Variants in GALNTL5 observed in about 807,000 individuals in gnomAD.
GALNTL5 encodes the protein inactive polypeptide N-acetylgalactosaminyltransferase-like protein 5.
A neutral mutation model predicts 51.0 loss-of-function variants in GALNTL5; 44 were observed. The observed-to-expected ratio is 0.86, with a 90% CI of 0.68 to 1.11. The LOEUF (loss-of-function observed/expected upper bound fraction) is 1.11. GALNTL5 is among the 50% of genes least tolerant of loss of function. The probability of loss-of-function intolerance (pLI) is 0.00; values close to 1 mark genes in which losing one functional copy is unlikely to be tolerated. For synonymous variants in GALNTL5, 192 were observed against 182.8 expected (o/e 1.05, Z -0.41); for missense variants, 528 against 531.8 (o/e 0.99, Z 0.07).
intron 3 of GALNTL5, among the ~76,000 whole-genome samples, chr7:151,972,553 G>T (rs1009055342): frequency 4.6e-5 from 7 of 152,198 alleles, no homozygotes; most frequent in African/African-American, 1.7e-4. Context: ...AAGGAAAAAT[G>T]ATTTTGTTGG....
At chr7:151,971,143 A>ATAGATAGATAGATAG in intron 3 of GALNTL5, 78 bp downstream of exon 3, 1 of 1,196,514 alleles carries the variant, frequency 8.4e-7, no homozygotes, top group Non-Finnish European at 1.2e-6. Flanking sequence ...AGATAGAAAG[A>ATAGATAGATAGATAG]AAACAGTTAC....
At chr7:152,019,538 T>G in intron 8 of GALNTL5, 108 bp from the exon 9 acceptor site, 2 of 1,152,888 alleles carry the variant, frequency 1.7e-6, no homozygotes, top group Non-Finnish European at 2.5e-6. Context: ...CTGGAGGGCT[T>G]TTTTAGTTCA....
At chr7:152,011,164 G>A (rs1163123498) in intron 7 of GALNTL5, among the ~76,000 whole-genome samples, 3 of 152,132 alleles carry the variant, frequency 2.0e-5, no homozygotes, top group African/African-American at 7.2e-5. Context: ...TTCAGGTCTT[G>A]AGACCCCACC....
chr7:152,014,879 T>A, intron 8 of GALNTL5, 86 bp downstream of exon 8: 1 of 1,301,968 alleles, frequency 7.7e-7, no homozygotes, highest in South Asian at 1.5e-5. Context: ...CCTTTCCAGA[T>A]CCAGCGTTTG....
chr7:151,994,373 G>A (rs2081467082), intron 5 of GALNTL5, among the ~76,000 whole-genome samples: 1 of 152,182 alleles, frequency 6.6e-6, no homozygotes, highest in East Asian at 1.9e-4. Context: ...GGGTTTTCAC[G>A]TGATGTTCAT....
chr7:151,969,931 C>G (rs1359590080), intron 2 of GALNTL5, among the ~76,000 whole-genome samples: 1 of 151,912 alleles, frequency 6.6e-6, no homozygotes, highest in African/African-American at 2.4e-5. Context: ...CTCAGCCTCC[C>G]GAGTAGCTGG....
At chr7:151,995,923 C>T (rs1383228027) in intron 5 of GALNTL5, among the ~76,000 whole-genome samples, 2 of 152,146 alleles carry the variant, frequency 1.3e-5, no homozygotes, top group East Asian at 1.9e-4. Flanking sequence ...CTCTAGGTCA[C>T]GTTACTCCAG....
intron 5 of GALNTL5, among the ~76,000 whole-genome samples, chr7:151,993,773 C>G (rs1164570734): frequency 6.6e-6 from 1 of 151,874 alleles, no homozygotes; most frequent in African/African-American, 2.4e-5. Flanking sequence ...CAGGAGTCAC[C>G]ACACCTGGCC....
intron 6 of GALNTL5, among the ~76,000 whole-genome samples, chr7:152,004,851 C>A (rs1383634337): frequency 6.6e-6 from 1 of 152,138 alleles, no homozygotes; most frequent in Non-Finnish European, 1.5e-5. Flanking sequence ...TCCAGTCTTC[C>A]ACTGAGGGAC....
At chr7:152,015,088 C>A (rs2081789885) in intron 8 of GALNTL5, among the ~76,000 whole-genome samples, 1 of 152,048 alleles carries the variant, frequency 6.6e-6, no homozygotes, top group African/African-American at 2.4e-5. Flanking sequence ...GATAGTTGTT[C>A]TTTTCTCTGT....
At chr7:151,985,335 C>A (rs1233579673) in intron 4 of GALNTL5, among the ~76,000 whole-genome samples, 1 of 152,186 alleles carries the variant, frequency 6.6e-6, no homozygotes, top group East Asian at 1.9e-4. Context: ...GCTTCCCAAC[C>A]AGACACCTCT....
At chr7:151,969,140 A>G (rs1045814061) in intron 2 of GALNTL5, among the ~76,000 whole-genome samples, 1 of 152,162 alleles carries the variant, frequency 6.6e-6, no homozygotes, top group Non-Finnish European at 1.5e-5. Flanking sequence ...TTTATTTTTC[A>G]TAAGTCCCCA....
Position 151,970,996 on chromosome 7 carries a change from A to G in GALNTL5, c.299A>G (p.Tyr100Cys). 1.2e-6 allele frequency: 2 copies of G among 1,608,274 alleles called. No homozygotes were observed. The highest frequency in any genetic ancestry group is 1.7e-6 in the Non-Finnish European group (2 of 1,175,502). ...GAACTTCATAAAGAACTTTTAAAAT[A>G]TGGATTTAATGTGATTATCAGTAGA... ...NPELHKELLK[Y>C]GFNVIISRSL... The change falls in exon 3 of 9, where the codon TAT becomes TGT. Residue 100 changes from tyrosine to cysteine, a missense_variant. Physicochemically the swap from Tyr to Cys is radical, Grantham distance 194 (BLOSUM62 -2). Coordinates refer to ENST00000392800, the MANE Select transcript of GALNTL5 (RefSeq NM_145292.4).
chr7:151,988,252 C>T (rs2081385541), intron 5 of GALNTL5, among the ~76,000 whole-genome samples: 1 of 152,198 alleles, frequency 6.6e-6, no homozygotes, highest in Non-Finnish European at 1.5e-5. Flanking sequence ...TGTTGTGAAC[C>T]ATTGGCTGTC....
At chr7:151,969,319 C>A (rs2081098274) in intron 2 of GALNTL5, among the ~76,000 whole-genome samples, 1 of 152,110 alleles carries the variant, frequency 6.6e-6, no homozygotes, top group Admixed American at 6.5e-5. Context: ...CACATTAAGG[C>A]CATGATCTAT....
intron 4 of GALNTL5, among the ~76,000 whole-genome samples, chr7:151,986,810 C>A (rs1333449953): frequency 6.6e-6 from 1 of 151,072 alleles, no homozygotes; most frequent in Non-Finnish European, 1.5e-5. Context: ...TCACTGCAAC[C>A]TCTGCCTCCC....
At chr7:151,970,606 T>C (rs2081122671) in intron 2 of GALNTL5, 1 of 218,898 alleles carries the variant, frequency 4.6e-6, no homozygotes, top group Admixed American at 5.3e-5. Flanking sequence ...TCTCACCACG[T>C]GACCTGCCTG....
chr7:151,967,574 C>CCTG, intron 2 of GALNTL5, 81 bp downstream of exon 2: 1 of 1,242,584 alleles, frequency 8.0e-7, no homozygotes, highest in Non-Finnish European at 1.1e-6. Flanking sequence ...GAGTACGAGA[C>CCTG]TATCCTTTTT....
intron 3 of GALNTL5, among the ~76,000 whole-genome samples, chr7:151,972,594 C>T (rs1453988680): frequency 2.6e-5 from 4 of 152,174 alleles, no homozygotes; most frequent in Admixed American, 1.3e-4. Context: ...TTCTGTGCAG[C>T]GTTGGGACAA....
Sources: allele counts gnomAD v4.1 joint callset (sites outside exome capture counted in the v4.1 genomes callset), GRCh38; gene constraint gnomAD v4.1.1; transcripts MANE v1.5; gene names NCBI Gene and HGNC (gene_info 2026-07-23, HGNC 2026-07-21).